The following CASK variants were observed in gnomAD, a reference collection of about 807,000 sequenced individuals.
CASK encodes calcium/calmodulin dependent serine protein kinase.
Under a neutral mutation model 82.9 loss-of-function variants are expected in CASK, and 4 were observed. That is an observed-to-expected ratio of 0.05 (90% CI 0.02 to 0.11). The LOEUF is 0.11. Among genes scored for constraint, CASK ranks in the 10% least tolerant of loss-of-function variants. The probability of loss-of-function intolerance (pLI) is 1.00; values close to 1 mark genes in which losing one functional copy is unlikely to be tolerated. For synonymous variants in CASK, 259 were observed against 253.5 expected (o/e 1.02, Z -0.20); for missense variants, 358 against 720.9 (o/e 0.50, Z 5.76).
At chrX:41,829,708 T>G (rs1412319388) in intron 2 of CASK, among the ~76,000 whole-genome samples, 4 of 11,204 alleles carry the variant, frequency 3.6e-4, no homozygotes, top group African/African-American at 1.1e-3. Context: ...TATATATATA[T>G]ATATATATAT....
chrX:41,525,152 A>G (rs775595738), intron 25 of CASK, among the ~76,000 whole-genome samples: 1 of 111,490 alleles, frequency 9.0e-6, no homozygotes, highest in East Asian at 2.8e-4. Context: ...TCTGAAATTC[A>G]AAACCCATGG....
intron 5 of CASK, chrX:41,695,580 C>A: frequency 1.2e-6 from 1 of 826,157 alleles, no homozygotes; most frequent in Non-Finnish European, 1.8e-6. Flanking sequence ...ATAAGAACTA[C>A]ACATGAGGAA....
intron 21 of CASK, among the ~76,000 whole-genome samples, chrX:41,551,022 T>C (rs2065090355): frequency 1.8e-5 from 2 of 112,616 alleles, no homozygotes; most frequent in African/African-American, 6.4e-5. Context: ...CTGTTGGGTC[T>C]TACTTGTTTC....
chrX:41,848,298 A>G (rs768889670), intron 2 of CASK, among the ~76,000 whole-genome samples: 4 of 112,082 alleles, frequency 3.6e-5, no homozygotes, highest in Non-Finnish European at 7.5e-5. Flanking sequence ...TTGATCCCCA[A>G]TGTTGAAGGT....
At chrX:41,676,312 G>A (rs900254012) in intron 5 of CASK, 4 of 1,195,652 alleles carry the variant, frequency 3.3e-6, no homozygotes, top group Non-Finnish European at 4.5e-6. Flanking sequence ...TACTTGAGAC[G>A]ACCCTCCAAG....
chrX:41,894,650 G>T (rs1423396031), intron 1 of CASK, among the ~76,000 whole-genome samples: 2 of 102,842 alleles, frequency 1.9e-5, no homozygotes, highest in African/African-American at 7.1e-5. Flanking sequence ...GTGGGAGGTA[G>T]AGAAAGGAGG....
At chrX:41,818,371 G>A (rs1230033204) in intron 2 of CASK, among the ~76,000 whole-genome samples, 1 of 110,553 alleles carries the variant, frequency 9.0e-6, no homozygotes, top group African/African-American at 3.3e-5. Flanking sequence ...GGGAGGCTGA[G>A]GTGGGTGGAT....
chrX:41,781,284 G>A (rs886522237), intron 3 of CASK, among the ~76,000 whole-genome samples: 1 of 111,757 alleles, frequency 8.9e-6, no homozygotes, highest in African/African-American at 3.2e-5. Context: ...ACATTCTCGG[G>A]CCATATAATT....
chrX:41,643,910 T>C lies in CASK; in HGVS notation c.832-7249A>G, dbSNP rs369086517. Among the ~76,000 whole-genome samples the C allele has an allele frequency of 3.6e-5, 4 of 111,876 alleles. No individual in the cohort carries two copies. The East Asian group carries it at 8.4e-4, about 23-fold the overall frequency. ...ATTCAGTATGATATTGGCTGTGGGT[T>C]TGTCATAAATAGCTCTTACTATTTT... On this transcript the variant is annotated intron_variant, in intron 8 of 26. Transcript: ENST00000378163.
At chrX:41,849,815 A>G (rs1601901981) in intron 2 of CASK, among the ~76,000 whole-genome samples, 1 of 106,786 alleles carries the variant, frequency 9.4e-6, no homozygotes, top group East Asian at 2.8e-4. Flanking sequence ...CATCTTCATT[A>G]GAGCAATGAG....
chrX:41,744,347 CTTTTT>C (rs746371317), intron 4 of CASK, among the ~76,000 whole-genome samples: 1 of 98,521 alleles, frequency 1.0e-5, no homozygotes, highest in Admixed American at 1.1e-4. Flanking sequence ...ATATTTACTT[CTTTTT>C]TTTTTTTTTT....
chrX:41,813,791 C>G lies in CASK; in HGVS notation c.173-26508G>C, dbSNP rs770266706. ...TCTGCACAGCAAAAGAAACTACCAT[C>G]AGAGTGAACAGGCAACCTACAGAAT... On this transcript the variant is annotated intron_variant, in intron 2 of 26. Transcript: ENST00000378163. 1.5e-4 allele frequency among the ~76,000 whole-genome samples: 17 copies of G among 111,753 alleles called. No homozygotes were observed. The East Asian group carries it at 4.5e-3, about 30-fold the overall frequency.
At chrX:41,783,974 T>C in intron 3 of CASK, among the ~76,000 whole-genome samples, 1 of 112,442 alleles carries the variant, frequency 8.9e-6, no homozygotes, top group Non-Finnish European at 1.9e-5. Context: ...ACAGCTCTTC[T>C]AGGCCAGTGG....
chrX:41,916,188 A>G (rs2072682287), intron 1 of CASK, among the ~76,000 whole-genome samples: 2 of 112,903 alleles, frequency 1.8e-5, no homozygotes, highest in Admixed American at 1.9e-4. Flanking sequence ...AAAAAAGAAA[A>G]TAAAATTTAC....
chrX:41,885,003 C>A (rs1601939505), intron 1 of CASK, among the ~76,000 whole-genome samples: 1 of 112,253 alleles, frequency 8.9e-6, no homozygotes, highest in South Asian at 3.7e-4. Context: ...CATACAGAAT[C>A]CTGTAACTTA....
rs2064560067 is a variant in CASK, at chrX:41,517,005, G to A, written c.*3415C>T. On this transcript the variant is annotated 3_prime_UTR_variant, in exon 27 of 27. Transcript: ENST00000378163. Reference sequence around the variant, plus strand: ...AACTTTTTCAAGAAATAAACTTGAAGCCTTAATGAAGAGACAAATACAAGT... The same window carrying A: ...AACTTTTTCAAGAAATAAACTTGAAACCTTAATGAAGAGACAAATACAAGT... 8.9e-6 allele frequency: 1 copy of A among 112,165 alleles called. No individual in the cohort carries two copies. The highest frequency in any genetic ancestry group is 1.9e-5 in the Non-Finnish European group (1 of 53,234). The allele number at this position is 112,165 out of a possible 1,213,427, so 9.2% of individuals were successfully genotyped here. A position where few individuals can be genotyped will look rare whatever the true frequency, so the allele number is the denominator to read the frequency against.
In CASK at chrX:41,659,811, C is replaced by T. The variant is rs140266163; in HGVS notation, c.831+628G>A. Among the ~76,000 whole-genome samples, 587 of 109,682 alleles carry T rather than the reference C, an allele frequency of 5.4e-3. 6 individuals carry two copies. Among genetic ancestry groups the T allele is most frequent in the African/African-American group, 0.019 (569 of 30,131 alleles). ...TCCAGGAGTTTGAGACAAGCCTGGG[C>T]GACATGGTGAAACCCCCATCTCTAC... is the stretch of plus-strand genomic sequence containing the variant. On this transcript the variant is annotated intron_variant, in intron 8 of 26. Coordinates refer to ENST00000378163, the MANE Select transcript of CASK (RefSeq NM_001367721.1).
intron 22 of CASK, among the ~76,000 whole-genome samples, chrX:41,536,602 T>A (rs767527211): frequency 8.9e-6 from 1 of 111,944 alleles, no homozygotes; most frequent in South Asian, 3.7e-4. Context: ...TATCACAATA[T>A]ATAAAAAAAG....
intron 2 of CASK, among the ~76,000 whole-genome samples, chrX:41,799,454 C>T (rs1469593459): frequency 9.1e-6 from 1 of 110,378 alleles, no homozygotes; most frequent in Non-Finnish European, 1.9e-5. Context: ...GCAGGGGACT[C>T]GCTTGAACCC....
Sources: allele counts gnomAD v4.1 joint callset (sites outside exome capture counted in the v4.1 genomes callset), GRCh38; gene constraint gnomAD v4.1.1; transcripts MANE v1.5; gene names NCBI Gene and HGNC (gene_info 2026-07-23, HGNC 2026-07-21).